The following NOVA2 variants were observed in gnomAD, a reference collection of about 807,000 sequenced individuals.
The protein encoded by NOVA2 is RNA-binding protein Nova-2.
Under a neutral mutation model 22.5 loss-of-function variants are expected in NOVA2, and 9 were observed. That is an observed-to-expected ratio of 0.40 (90% CI 0.24 to 0.70). The LOEUF is 0.70. NOVA2 is among the 30% of genes least tolerant of loss of function. The pLI is 0.38. For missense variants in NOVA2, 383 were observed against 682.8 expected (o/e 0.56, Z 4.89); for synonymous variants, 318 against 335.2 (o/e 0.95, Z 0.56).
chr19:45,972,293 G>A (rs574654950), intron 1 of NOVA2, among the ~76,000 whole-genome samples: 47 of 151,970 alleles, frequency 3.1e-4, no homozygotes, highest in African/African-American at 1.1e-3. Flanking sequence ...ACCTCCATGT[G>A]TCACACCCAG....
In NOVA2 at chr19:45,940,571, C is replaced by G; in HGVS notation, c.771G>C (p.Gly257=). The stretch of plus-strand genomic sequence containing the variant: ...CGGGAAAGGCCCCCACGCCAGCCAG[C>G]CCGGCGGGGCCCAGCAGGCCGGAGG... ...AAASGLLGPA[G]LAGVGAFPAA... Residue 257 remains glycine, a synonymous_variant, in exon 4 of 4, where the codon GGG becomes GGC. Transcript: ENST00000263257. 6.9e-7 allele frequency: 1 copy of G among 1,447,582 alleles called. No homozygotes were observed. Among genetic ancestry groups the G allele is most frequent in the Non-Finnish European group, 9.1e-7 (1 of 1,102,202 alleles). The allele number at this position is 1,447,582 out of a possible 1,614,324, so 89.7% of individuals were successfully genotyped here.
intron 2 of NOVA2, among the ~76,000 whole-genome samples, chr19:45,958,446 G>C (rs913494862): frequency 6.6e-6 from 1 of 151,108 alleles, no homozygotes; most frequent in Admixed American, 6.6e-5. Context: ...GAGCACGTGT[G>C]ACAATGTGTG....
At chr19:45,971,145 G>GGGTTGTA (rs1193694181) in intron 1 of NOVA2, among the ~76,000 whole-genome samples, 3 of 152,104 alleles carry the variant, frequency 2.0e-5, no homozygotes, top group Non-Finnish European at 4.4e-5. Flanking sequence ...TGTCTCCCAG[G>GGGTTGTA]GGTTGTACTG....
At chr19:45,952,763 C>G (rs753088976) in intron 3 of NOVA2, among the ~76,000 whole-genome samples, 1 of 152,204 alleles carries the variant, frequency 6.6e-6, no homozygotes, top group Non-Finnish European at 1.5e-5. Flanking sequence ...GCGCTACACG[C>G]CCCAAGCCCT....
At chr19:45,966,979 T>A (rs1968175322) in intron 1 of NOVA2, among the ~76,000 whole-genome samples, 1 of 152,156 alleles carries the variant, frequency 6.6e-6, no homozygotes, top group South Asian at 2.1e-4. Flanking sequence ...AATATAAACA[T>A]ACAATGTTCA....
intron 3 of NOVA2, among the ~76,000 whole-genome samples, chr19:45,946,872 T>TAA (rs35836093): frequency 0.027 from 3,581 of 133,452 alleles, 64 homozygotes; most frequent in Middle Eastern, 0.051. Flanking sequence ...AGACTCCGTC[T>TAA]AAAAAAAAAA....
Position 45,940,403 on chromosome 19 carries a change from G to T in NOVA2, c.939C>A (p.Ala313=). The part of the protein sequence containing the change: ...AAASGVLAAV[A]AGANPAAAAA... ...CGGCGGCTGCTGGGTTGGCCCCGGC[G>T]GCCACGGCGGCCAGGACGCCGGAAG... Residue 313 remains alanine, a synonymous_variant, in exon 4 of 4, where the codon GCC becomes GCA. Coordinates refer to ENST00000263257, the MANE Select transcript of NOVA2 (RefSeq NM_002516.4). 2 of 1,458,796 alleles carry T rather than the reference G, an allele frequency of 1.4e-6. No homozygotes were observed. The highest frequency in any genetic ancestry group is 1.8e-6 in the Non-Finnish European group (2 of 1,100,724). 90.4% of individuals were successfully genotyped at this position (1,458,796 alleles called of 1,614,324 possible). A position where few individuals can be genotyped will look rare whatever the true frequency, so the allele number is the denominator to read the frequency against.
chr19:45,949,321 CAAAAAA>C (rs11320511), intron 3 of NOVA2, among the ~76,000 whole-genome samples: 3 of 126,692 alleles, frequency 2.4e-5, no homozygotes, highest in Admixed American at 7.9e-5. Context: ...GCTGTTATTT[CAAAAAA>C]AAAAAAAAAA....
intron 3 of NOVA2, among the ~76,000 whole-genome samples, chr19:45,947,140 T>C (rs1267823033): frequency 1.3e-5 from 2 of 152,228 alleles, no homozygotes; most frequent in Admixed American, 6.5e-5. Context: ...TCCTTGTTTA[T>C]TTTGTGTTTC....
At position 45,940,407 on chromosome 19, in the gene NOVA2, A is replaced by G. The variant is rs1443565131; in HGVS notation, c.935T>C (p.Val312Ala). The G allele has an allele frequency of 8.2e-6, 12 of 1,464,736 alleles. No homozygotes were observed. Among genetic ancestry groups the G allele is most frequent in the Non-Finnish European group, 1.1e-5 (12 of 1,103,986 alleles). 90.7% of individuals were successfully genotyped at this position (1,464,736 alleles called of 1,614,324 possible). ...GGCTGCTGGGTTGGCCCCGGCGGCC[A>G]CGGCGGCCAGGACGCCGGAAGCTGC... The part of the protein sequence containing the change: ...SAAASGVLAA[V>A]AAGANPAAAA... Residue 312 changes from valine to alanine, a missense_variant, in exon 4 of 4, where the codon GTG (valine) becomes GCG (alanine). Around this residue, in one of 2 missense-constraint regions of NOVA2, gnomAD observed 349 missense variants for 578.1 expected, o/e 0.60. Coordinates refer to ENST00000263257, the MANE Select transcript of NOVA2 (RefSeq NM_002516.4).
At position 45,940,394 on chromosome 19, in the gene NOVA2, G is replaced by A. The variant is rs373683710; in HGVS notation, c.948C>T (p.Ala316=). The part of the protein sequence containing the change: ...SGVLAAVAAG[A]NPAAAAAANL... ...TGGCGGCGGCGGCGGCTGCTGGGTT[G>A]GCCCCGGCGGCCACGGCGGCCAGGA... The change falls in exon 4 of 4, where the codon GCC becomes GCT. Residue 316 remains alanine (A), a synonymous_variant. Transcript: ENST00000263257. The A allele has an allele frequency of 8.0e-4, 1,151 of 1,444,510 alleles. No individual in the cohort carries two copies. The highest frequency in any genetic ancestry group is 1.0e-3 in the Non-Finnish European group (1,101 of 1,092,574). 89.5% of individuals were successfully genotyped at this position (1,444,510 alleles called of 1,614,324 possible). A position where few individuals can be genotyped will look rare whatever the true frequency, so the allele number is the denominator to read the frequency against.
intron 1 of NOVA2, among the ~76,000 whole-genome samples, chr19:45,961,526 G>GA (rs1968096250): frequency 7.0e-6 from 1 of 143,374 alleles, no homozygotes; most frequent in African/African-American, 2.5e-5. Context: ...AAAAAGGCAG[G>GA]AAAAGGGGGT....
At chr19:45,959,953 G>C (rs1160993274) in intron 2 of NOVA2, among the ~76,000 whole-genome samples, 2 of 152,092 alleles carry the variant, frequency 1.3e-5, no homozygotes, top group African/African-American at 4.8e-5. Context: ...CTGGACCAAA[G>C]ATGCAATTCA....
intron 2 of NOVA2, 126 bp downstream of exon 2, chr19:45,960,884 G>A (rs1968086180): frequency 3.0e-6 from 3 of 1,009,414 alleles, no homozygotes; most frequent in Non-Finnish European, 2.8e-6. Context: ...AGGGGAAGGG[G>A]AGGCCCCCTC....
intron 2 of NOVA2, among the ~76,000 whole-genome samples, chr19:45,956,569 A>G (rs1373296009): frequency 1.3e-5 from 2 of 152,112 alleles, no homozygotes; most frequent in Admixed American, 6.5e-5. Flanking sequence ...CTCCCAGTTC[A>G]AGTGATTCTC....
intron 1 of NOVA2, 33 bp downstream of exon 1, chr19:45,973,234 G>A (rs1192117927): frequency 1.0e-5 from 14 of 1,364,136 alleles, no homozygotes; most frequent in Admixed American, 2.5e-5. Flanking sequence ...CCCCCTGCCC[G>A]CTCCCCCGCC....
intron 2 of NOVA2, among the ~76,000 whole-genome samples, chr19:45,955,820 T>C (rs938627366): frequency 6.6e-6 from 1 of 151,166 alleles, no homozygotes; most frequent in Non-Finnish European, 1.5e-5. Context: ...ATCATGCTAC[T>C]GCACTCCAGC....
chr19:45,958,353 C>CTGTGTG (rs572028267), intron 2 of NOVA2, among the ~76,000 whole-genome samples: 8 of 145,968 alleles, frequency 5.5e-5, no homozygotes, highest in African/African-American at 2.0e-4. Flanking sequence ...CACCCAAGTG[C>CTGTGTG]TGTGTGTGTG....
rs977007218 is a variant in NOVA2, at chr19:45,934,359, T to G, written c.*5504A>C. On this transcript the variant is annotated 3_prime_UTR_variant, in exon 4 of 4. Transcript: ENST00000263257. ...TAGCTCCTCTGACTCCACCATTATC[T>G]CACTGAGGCTCCTCAGGGAAATTGG... The G allele has an allele frequency of 6.6e-6, 1 of 152,190 alleles. No individual in the cohort carries two copies. Among genetic ancestry groups the G allele is most frequent in the Non-Finnish European group, 1.5e-5 (1 of 68,040 alleles). The allele number at this position is 152,190 out of a possible 1,614,324, so 9.4% of individuals were successfully genotyped here. A position where few individuals can be genotyped will look rare whatever the true frequency, so the allele number is the denominator to read the frequency against.
Sources: gnomAD v4.1 joint callset for allele counts (sites outside exome capture counted in the v4.1 genomes callset) on GRCh38, gnomAD v4.1.1 for gene constraint, gnomAD v4.1.1 regional missense constraint, MANE v1.5 for transcripts, NCBI Gene and HGNC (gene_info 2026-07-23, HGNC 2026-07-21) for gene names.